The following KDM4C variants were observed in gnomAD, a reference collection of about 807,000 sequenced individuals.
KDM4C encodes the protein lysine demethylase 4C, also known as lysine-specific demethylase 4C.
KDM4C carries 81 observed loss-of-function variants against 129.3 expected under a neutral mutation model. The observed-to-expected ratio is 0.63, with a 90% CI of 0.52 to 0.75. The LOEUF (loss-of-function observed/expected upper bound fraction) is 0.75. KDM4C is among the 30% of genes least tolerant of loss of function. KDM4C has a pLI of 0.00. For synonymous variants in KDM4C, 573 were observed against 456.1 expected, an observed-to-expected ratio of 1.26 and a Z score of -3.26; for missense variants, 1,457 against 1,304.0, an observed-to-expected ratio of 1.12 and a Z score of -1.81.
In KDM4C at chr9:6,722,515, A is replaced by AT. The variant is rs368905637; in HGVS notation, c.49+1519dup. Among the ~76,000 whole-genome samples the AT allele has an allele frequency of 2.1e-3, 290 of 139,120 alleles. 2 individuals are homozygous for AT. Among genetic ancestry groups the AT allele is most frequent in the African/African-American group, 6.9e-3 (265 of 38,140 alleles). The allele number at this position is 139,120 out of a possible 152,430, so 91.3% of individuals were successfully genotyped here. A position where few individuals can be genotyped will look rare whatever the true frequency, so the allele number is the denominator to read the frequency against. On this transcript the variant is annotated intron_variant, in intron 1 of 17. Coordinates refer to the KDM4C transcript ENST00000536108. Reference sequence around the variant, plus strand: ...CAACATGGCAAAACCCTATGTCTATATATTTTTTTTTTTTTGAGATGGAGT... The same window carrying AT: ...CAACATGGCAAAACCCTATGTCTATATTATTTTTTTTTTTTTGAGATGGAGT...
chr9:7,154,885 C>T (rs972975247), intron 19 of KDM4C, among the ~76,000 whole-genome samples: 5 of 152,116 alleles, frequency 3.3e-5, no homozygotes, highest in Non-Finnish European at 7.4e-5. Context: ...GTACAGCAAA[C>T]GGCAAACAGC....
intron 10 of KDM4C, among the ~76,000 whole-genome samples, chr9:6,984,702 C>T (rs1005803787): frequency 4.0e-5 from 6 of 151,460 alleles, no homozygotes; most frequent in East Asian, 1.9e-4. Context: ...TTACAATATA[C>T]GTTTTTGGAA....
rs143980548 is a variant in KDM4C, at chr9:6,805,416, A to C, written c.145-183A>C. Among the ~76,000 whole-genome samples, 14 of 152,214 alleles carry C rather than the reference A, an allele frequency of 9.2e-5. No individual in the cohort carries two copies. The East Asian group carries it at 2.7e-3, about 29-fold the overall frequency. The stretch of plus-strand genomic sequence containing the variant: ...GTGTTTGGGATAGTGAGTACTCAAT[A>C]AATTTTGCTATTGAATAACATCATA... On this transcript the variant is annotated intron_variant, in intron 2 of 21. Transcript: ENST00000381309.
chr9:6,930,503 T>G (rs1439102920), intron 8 of KDM4C, among the ~76,000 whole-genome samples: 1 of 149,046 alleles, frequency 6.7e-6, no homozygotes, highest in African/African-American at 2.5e-5. Flanking sequence ...AACATATGTA[T>G]CATAAATATG....
intron 12 of KDM4C, among the ~76,000 whole-genome samples, chr9:7,005,305 C>T (rs1054903709): frequency 3.3e-5 from 5 of 151,978 alleles, no homozygotes; most frequent in Non-Finnish European, 7.4e-5. Context: ...CGTGGTGGCG[C>T]ATGCCTGTAA....
At chr9:6,928,633 T>C (rs1823074478) in intron 8 of KDM4C, among the ~76,000 whole-genome samples, 1 of 152,218 alleles carries the variant, frequency 6.6e-6, no homozygotes, top group Admixed American at 6.5e-5. Flanking sequence ...CATCACCTGT[T>C]TGTGGCGGAT....
At chr9:6,952,489 G>T (rs548785054) in intron 8 of KDM4C, among the ~76,000 whole-genome samples, 38 of 151,584 alleles carry the variant, frequency 2.5e-4, no homozygotes, top group African/African-American at 9.0e-4. Flanking sequence ...TGCCCAGGCT[G>T]GAGTGCAGTG....
At position 6,938,217 on chromosome 9, in the gene KDM4C, A is replaced by G. The variant is rs952506345; in HGVS notation, c.922-42708A>G. On this transcript the variant is annotated intron_variant, in intron 8 of 21. Transcript: ENST00000381309. ...TATATAATATTTAATATATAGATAT[A>G]TATTATAGGATGAACATAAAACATA... Among the ~76,000 whole-genome samples the G allele has an allele frequency of 1.2e-4, 18 of 152,070 alleles. No individual in the cohort carries two copies. The East Asian group carries it at 2.9e-3, about 24-fold the overall frequency.
intron 1 of KDM4C, among the ~76,000 whole-genome samples, chr9:6,791,793 C>A (rs886169108): frequency 1.4e-4 from 22 of 152,110 alleles, no homozygotes; most frequent in Admixed American, 1.3e-4. Flanking sequence ...GAGGCCAAGG[C>A]GGGTGGATCA....
At chr9:6,743,681 G>A (rs984488519) in intron 1 of KDM4C, among the ~76,000 whole-genome samples, 1 of 151,898 alleles carries the variant, frequency 6.6e-6, no homozygotes, top group African/African-American at 2.4e-5. Flanking sequence ...CTATTTTTCT[G>A]TATTTTAGTA....
intron 4 of KDM4C, chr9:6,818,973 C>T (rs1832583324): frequency 6.6e-6 from 1 of 152,132 alleles, no homozygotes; most frequent in Non-Finnish European, 1.5e-5. Flanking sequence ...TGTAACCTGG[C>T]AAATGTTCAG....
chr9:7,124,330 A>T (rs1359703376), intron 18 of KDM4C, among the ~76,000 whole-genome samples: 4 of 152,230 alleles, frequency 2.6e-5, no homozygotes, highest in Non-Finnish European at 5.9e-5. Flanking sequence ...TTTCAGTTTG[A>T]CAGAGAGGGC....
At chr9:6,877,722 A>AT (rs1258373003) in intron 5 of KDM4C, among the ~76,000 whole-genome samples, 4 of 152,236 alleles carry the variant, frequency 2.6e-5, no homozygotes, top group Admixed American at 6.5e-5. Context: ...GTTCATGGCA[A>AT]GAACAATGAT....
chr9:7,135,050 G>C (rs1222155270), intron 19 of KDM4C, among the ~76,000 whole-genome samples: 1 of 152,128 alleles, frequency 6.6e-6, no homozygotes, highest in South Asian at 2.1e-4. Context: ...ATGAAATGTT[G>C]AAGCCTTTAC....
intron 8 of KDM4C, among the ~76,000 whole-genome samples, chr9:6,977,613 C>T (rs1833149717): frequency 6.6e-6 from 1 of 152,144 alleles, no homozygotes; most frequent in Non-Finnish European, 1.5e-5. Context: ...ACCTTGGACA[C>T]CTGGGCAGTA....
At chr9:6,730,628 AGT>A (rs1020226949) in intron 1 of KDM4C, among the ~76,000 whole-genome samples, 5 of 151,630 alleles carry the variant, frequency 3.3e-5, no homozygotes, top group African/African-American at 9.7e-5. Context: ...AAAAAAAAAA[AGT>A]AATAATAATA....
At chr9:6,898,461 G>A (rs1816817548) in intron 8 of KDM4C, among the ~76,000 whole-genome samples, 1 of 152,116 alleles carries the variant, frequency 6.6e-6, no homozygotes, top group East Asian at 1.9e-4. Flanking sequence ...ACACAAAAAT[G>A]ATATCTTTTA....
intron 19 of KDM4C, among the ~76,000 whole-genome samples, chr9:7,153,017 T>A (rs1842856001): frequency 6.6e-6 from 1 of 152,250 alleles, no homozygotes; most frequent in African/African-American, 2.4e-5. Context: ...TATGAGGTTT[T>A]AAAATTTTTT....
chr9:6,740,440 T>C (rs1817650968), intron 1 of KDM4C, among the ~76,000 whole-genome samples: 1 of 152,124 alleles, frequency 6.6e-6, no homozygotes, highest in Non-Finnish European at 1.5e-5. Context: ...CCTGACCTTG[T>C]GATCCGCCCA....
Sources: gnomAD v4.1 joint callset for allele counts (sites outside exome capture counted in the v4.1 genomes callset) on GRCh38, gnomAD v4.1.1 for gene constraint, MANE v1.5 for transcripts, NCBI Gene and HGNC (gene_info 2026-07-23, HGNC 2026-07-21) for gene names.